Variants in SPAG16 observed in about 807,000 individuals in gnomAD.
SPAG16 encodes the protein sperm-associated antigen 16 protein.
A neutral mutation model predicts 80.4 loss-of-function variants in SPAG16; 86 were observed. The observed-to-expected ratio is 1.07, with a 90% CI of 0.90 to 1.28. The LOEUF is 1.28. Among genes scored for constraint, SPAG16 ranks in the 50% most tolerant of loss-of-function variants. The probability of loss-of-function intolerance (pLI) is 0.00; values close to 1 mark genes in which losing one functional copy is unlikely to be tolerated. For missense variants in SPAG16, 870 were observed against 765.3 expected, an observed-to-expected ratio of 1.14 and a Z score of -1.61; for synonymous variants, 294 against 265.9, an observed-to-expected ratio of 1.11 and a Z score of -1.03.
At position 214,191,645 on chromosome 2, in the gene SPAG16, C is replaced by T. The variant is rs13406436; in HGVS notation, c.1720+42379C>T. Among the ~76,000 whole-genome samples the T allele has an allele frequency of 2.9e-5, 4 of 139,718 alleles. No individual in the cohort carries two copies. The East Asian group carries it at 6.4e-4, about 22-fold the overall frequency. 91.7% of individuals were successfully genotyped at this position (139,718 alleles called of 152,430 possible). On this transcript the variant is annotated intron_variant, in intron 15 of 15. Coordinates refer to ENST00000331683, the MANE Select transcript of SPAG16 (RefSeq NM_024532.5). ...AGGAGAATTGATTGAACTTGGGAGG[C>T]GAAGGTTGCAGTGATCCAAGATCAT...
intron 14 of SPAG16, among the ~76,000 whole-genome samples, chr2:214,146,933 C>T (rs955675632): frequency 2.7e-5 from 4 of 150,764 alleles, no homozygotes; most frequent in Non-Finnish European, 4.4e-5. Context: ...ACCCGGGAGA[C>T]GGACATTGCA....
chr2:213,575,389 A>G (rs1223344400), intron 10 of SPAG16, among the ~76,000 whole-genome samples: 4 of 152,188 alleles, frequency 2.6e-5, no homozygotes, highest in African/African-American at 9.6e-5. Flanking sequence ...AAGCAATAAT[A>G]AAATTAAAGG....
Position 213,445,460 on chromosome 2 carries a change from G to A in SPAG16, c.943-44503G>A, listed in dbSNP as rs138571473. 7.3e-3 allele frequency among the ~76,000 whole-genome samples: 1,113 copies of A among 152,188 alleles called. 9 individuals carry two copies. The highest frequency in any genetic ancestry group is 0.012 in the Non-Finnish European group (809 of 68,002). On this transcript the variant is annotated intron_variant, in intron 9 of 15. Coordinates refer to ENST00000331683, the MANE Select transcript of SPAG16 (RefSeq NM_024532.5). ...GTGGATCACCTGAGGTCAGGAGATCGAGACCAGCCTGGCCAACATGGTGAA... is the reference window on the plus strand; with the variant it reads ...GTGGATCACCTGAGGTCAGGAGATCAAGACCAGCCTGGCCAACATGGTGAA...
At chr2:214,155,916 G>T (rs7604980) in intron 15 of SPAG16, among the ~76,000 whole-genome samples, 7,773 of 152,216 alleles carry the variant, frequency 0.051, 692 homozygotes, top group African/African-American at 0.18. Context: ...CTGATTAAAT[G>T]TGGAGTTGAA....
intron 9 of SPAG16, among the ~76,000 whole-genome samples, chr2:213,408,133 A>C (rs1182002902): frequency 7.2e-6 from 1 of 138,138 alleles, no homozygotes; most frequent in East Asian, 1.9e-4. Flanking sequence ...AAAACAAAAA[A>C]ACCAGTGTAC....
intron 10 of SPAG16, among the ~76,000 whole-genome samples, chr2:213,832,000 T>A (rs1315804819): frequency 6.6e-6 from 1 of 152,074 alleles, no homozygotes; most frequent in Non-Finnish European, 1.5e-5. Flanking sequence ...CTCTTTATTT[T>A]TTTAATTTTT....
At chr2:213,815,093 A>G (rs1259694630) in intron 10 of SPAG16, among the ~76,000 whole-genome samples, 1 of 152,184 alleles carries the variant, frequency 6.6e-6, no homozygotes, top group African/African-American at 2.4e-5. Context: ...ACTCCAACCT[A>G]CAATAACAGA....
intron 10 of SPAG16, among the ~76,000 whole-genome samples, chr2:213,534,255 A>G (rs1232181343): frequency 6.6e-6 from 1 of 152,024 alleles, no homozygotes; most frequent in Non-Finnish European, 1.5e-5. Flanking sequence ...GTTTTACATT[A>G]TGTGTATTTT....
chr2:214,039,727 G>A (rs2048904916), intron 13 of SPAG16, among the ~76,000 whole-genome samples: 1 of 152,146 alleles, frequency 6.6e-6, no homozygotes, highest in African/African-American at 2.4e-5. Flanking sequence ...TGAATTATTT[G>A]AAAATGCTAC....
intron 9 of SPAG16, chr2:213,422,058 G>A (rs574796141): frequency 2.3e-4 from 137 of 603,602 alleles, no homozygotes; most frequent in Middle Eastern, 4.4e-4. Context: ...GAATGAACTC[G>A]GGACCCACTA....
chr2:213,481,330 T>C (rs1204465219), intron 9 of SPAG16, among the ~76,000 whole-genome samples: 2 of 152,236 alleles, frequency 1.3e-5, no homozygotes, highest in African/African-American at 2.4e-5. Flanking sequence ...GTAGAGAAAC[T>C]GCCTTACTTT....
chr2:214,171,530 C>T (rs2056868053), intron 15 of SPAG16, among the ~76,000 whole-genome samples: 1 of 151,944 alleles, frequency 6.6e-6, no homozygotes, highest in Admixed American at 6.6e-5. Context: ...TTACTTTTCA[C>T]AAACTTGCAA....
At chr2:213,900,819 G>A (rs1179543369) in intron 11 of SPAG16, among the ~76,000 whole-genome samples, 4 of 152,040 alleles carry the variant, frequency 2.6e-5, no homozygotes, top group African/African-American at 4.8e-5. Context: ...CATTTTAAAG[G>A]CCATAGCCTT....
At chr2:214,383,593 A>T (rs537533734) in intron 15 of SPAG16, among the ~76,000 whole-genome samples, 4 of 151,976 alleles carry the variant, frequency 2.6e-5, no homozygotes, top group Non-Finnish European at 5.9e-5. Context: ...AAAAGAAAAA[A>T]AAAGACATAT....
intron 15 of SPAG16, among the ~76,000 whole-genome samples, chr2:214,152,985 C>A (rs1399491723): frequency 1.3e-5 from 2 of 152,114 alleles, no homozygotes; most frequent in Non-Finnish European, 2.9e-5. Flanking sequence ...CACTGAAGCA[C>A]AGCATCACAG....
At chr2:213,355,198 C>G (rs1342891993) in intron 7 of SPAG16, among the ~76,000 whole-genome samples, 3 of 152,024 alleles carry the variant, frequency 2.0e-5, no homozygotes, top group African/African-American at 7.3e-5. Context: ...ATTTCTGAGG[C>G]CTCTGTTCTG....
At chr2:214,312,556 C>T (rs1695406807) in intron 15 of SPAG16, among the ~76,000 whole-genome samples, 1 of 152,128 alleles carries the variant, frequency 6.6e-6, no homozygotes. Flanking sequence ...TAATCATCCT[C>T]TAAATGCTCA....
At chr2:213,506,925 A>G (rs7561615) in intron 10 of SPAG16, among the ~76,000 whole-genome samples, 67,158 of 152,016 alleles carry the variant, frequency 0.44, 15,853 homozygotes, top group African/African-American at 0.6. Context: ...AATTTTAGAC[A>G]TCATATGCTT....
intron 13 of SPAG16, among the ~76,000 whole-genome samples, chr2:214,031,634 A>AG (rs1428277842): frequency 6.6e-6 from 1 of 150,522 alleles, no homozygotes; most frequent in African/African-American, 2.4e-5. Flanking sequence ...ACATGAAAAA[A>AG]AAAAGAAAAA....
Sources: allele counts gnomAD v4.1 joint callset (sites outside exome capture counted in the v4.1 genomes callset), GRCh38; gene constraint gnomAD v4.1.1; transcripts MANE v1.5; gene names NCBI Gene and HGNC (gene_info 2026-07-23, HGNC 2026-07-21).